Variants in PIGU observed in about 807,000 individuals in gnomAD.
The protein encoded by PIGU is phosphatidylinositol glycan anchor biosynthesis class U, also known as GPI-anchor transamidase component PIGU.
PIGU carries 24 observed loss-of-function variants against 49.9 expected under a neutral mutation model. The ratio of observed to expected loss-of-function variants is 0.48; its 90% CI spans 0.35 to 0.68. The LOEUF (loss-of-function observed/expected upper bound fraction) is 0.68, where lower values mean the gene tolerates loss of function less well. Among genes scored for constraint, PIGU ranks in the 30% least tolerant of loss-of-function variants. PIGU has a pLI of 0.01. For synonymous variants in PIGU, 220 were observed against 205.7 expected (o/e 1.07, Z -0.59); for missense variants, 490 against 532.6 (o/e 0.92, Z 0.79).
Position 34,617,613 on chromosome 20 carries a change from G to A in PIGU, c.530-1474C>T, listed in dbSNP as rs149034899. Among the ~76,000 whole-genome samples, 1,017 of 152,280 alleles carry A rather than the reference G, an allele frequency of 6.7e-3. 2 individuals are homozygous for A. Among genetic ancestry groups the A allele is most frequent in the Non-Finnish European group, 0.011 (729 of 68,012 alleles). ...CTTTTGATTTTACAGGCTCACAGGC[G>A]GAAGGCACTTGCCTTGTCTCAGATG... On this transcript the variant is annotated intron_variant, in intron 6 of 11. Coordinates refer to ENST00000217446, the MANE Select transcript of PIGU (RefSeq NM_080476.5).
At chr20:34,674,418 C>G (rs2146802754) in intron 1 of PIGU, among the ~76,000 whole-genome samples, 1 of 152,246 alleles carries the variant, frequency 6.6e-6, no homozygotes, top group East Asian at 1.9e-4. Context: ...CAAACCTTTT[C>G]TGAGATTCCA....
At chr20:34,610,274 T>C (rs150316257) in intron 7 of PIGU, among the ~76,000 whole-genome samples, 4 of 152,308 alleles carry the variant, frequency 2.6e-5, no homozygotes, top group East Asian at 3.9e-4. Context: ...TGTCTCTGTT[T>C]GCAGATGACA....
chr20:34,636,877 A>ATT (rs1985985797), intron 5 of PIGU, among the ~76,000 whole-genome samples: 2 of 152,180 alleles, frequency 1.3e-5, no homozygotes, highest in Non-Finnish European at 1.5e-5. Context: ...AATTACAGAC[A>ATT]GGCTTGTTAC....
At chr20:34,649,839 T>C (rs1600660157) in intron 2 of PIGU, among the ~76,000 whole-genome samples, 2 of 133,882 alleles carry the variant, frequency 1.5e-5, no homozygotes, top group East Asian at 4.6e-4. Flanking sequence ...CCGGTCCATC[T>C]ATTACATTCT....
At chr20:34,614,862 G>T (rs979821941) in intron 7 of PIGU, among the ~76,000 whole-genome samples, 1 of 152,106 alleles carries the variant, frequency 6.6e-6, no homozygotes, top group Non-Finnish European at 1.5e-5. Flanking sequence ...ATTAAGAAAG[G>T]CTCTGAAATC....
chr20:34,562,694 G>A (rs1982578709), intron 11 of PIGU: 2 of 673,198 alleles, frequency 3.0e-6, no homozygotes, highest in South Asian at 1.5e-5. Flanking sequence ...TGGTCTGCCT[G>A]GGGCCCAGAT....
At chr20:34,613,664 A>G (rs557878425) in intron 7 of PIGU, among the ~76,000 whole-genome samples, 1 of 152,358 alleles carries the variant, frequency 6.6e-6, no homozygotes, top group South Asian at 2.1e-4. Context: ...TAGACTTTCT[A>G]AAGAATAAGC....
chr20:34,638,546 G>A (rs1016746161), intron 4 of PIGU, among the ~76,000 whole-genome samples: 6 of 152,226 alleles, frequency 3.9e-5, no homozygotes, highest in African/African-American at 1.2e-4. Context: ...GCAAAGCAAA[G>A]TTCATAGCCA....
At chr20:34,602,213 C>G (rs1484706713) in intron 7 of PIGU, among the ~76,000 whole-genome samples, 1 of 150,414 alleles carries the variant, frequency 6.6e-6, no homozygotes, top group Non-Finnish European at 1.5e-5. Context: ...ACCCGGGAGG[C>G]AGAGGTTGCA....
At chr20:34,631,791 T>G (rs1985783687) in intron 6 of PIGU, among the ~76,000 whole-genome samples, 1 of 14,916 alleles carries the variant, frequency 6.7e-5, no homozygotes, top group African/African-American at 4.0e-4. Context: ...ATATATTTTT[T>G]TTTTTTTTTT....
chr20:34,618,353 GT>G (rs1311589358), intron 6 of PIGU, among the ~76,000 whole-genome samples: 2 of 152,192 alleles, frequency 1.3e-5, no homozygotes, highest in African/African-American at 4.8e-5. Flanking sequence ...TACAACAGGA[GT>G]TTCCAAGTGG....
chr20:34,564,998 C>T (rs562066070), intron 11 of PIGU, among the ~76,000 whole-genome samples: 15 of 152,356 alleles, frequency 9.8e-5, no homozygotes, highest in Admixed American at 2.0e-4. Flanking sequence ...ACAACCTCTT[C>T]TGACCTTGGG....
At chr20:34,625,708 G>GT (rs1224903945) in intron 6 of PIGU, among the ~76,000 whole-genome samples, 1 of 139,276 alleles carries the variant, frequency 7.2e-6, no homozygotes, top group Non-Finnish European at 1.5e-5. Context: ...ACAAGACTCT[G>GT]TCTCAAAAAA....
intron 2 of PIGU, among the ~76,000 whole-genome samples, chr20:34,650,960 A>G (rs931722665): frequency 6.6e-6 from 1 of 150,856 alleles, no homozygotes; most frequent in Non-Finnish European, 1.5e-5. Flanking sequence ...GTGATCCGCC[A>G]GCCTCGGCCT....
chr20:34,661,626 T>C (rs540000395), intron 1 of PIGU, among the ~76,000 whole-genome samples: 1 of 152,112 alleles, frequency 6.6e-6, no homozygotes, highest in Non-Finnish European at 1.5e-5. Flanking sequence ...CTGATGGGCA[T>C]TCAGGTTAAT....
chr20:34,672,164 C>T (rs1424106787), intron 1 of PIGU, among the ~76,000 whole-genome samples: 7 of 152,078 alleles, frequency 4.6e-5, no homozygotes, highest in African/African-American at 1.4e-4. Flanking sequence ...TGGTCTCAAA[C>T]TCCTGGGCTC....
At chr20:34,657,490 T>C (rs1010225597) in intron 1 of PIGU, among the ~76,000 whole-genome samples, 28 of 152,318 alleles carry the variant, frequency 1.8e-4, no homozygotes, top group Non-Finnish European at 2.5e-4. Context: ...TGCTTCCTTT[T>C]AGTTCCTTGT....
chr20:34,656,415 TG>T (rs1986701276), intron 2 of PIGU, among the ~76,000 whole-genome samples: 1 of 117,816 alleles, frequency 8.5e-6, no homozygotes, highest in Non-Finnish European at 1.8e-5. Context: ...CCCGAGTAGC[TG>T]GGACTACAGG....
intron 7 of PIGU, among the ~76,000 whole-genome samples, chr20:34,607,284 C>T (rs1349238686): frequency 6.6e-6 from 1 of 152,196 alleles, no homozygotes; most frequent in Non-Finnish European, 1.5e-5. Flanking sequence ...GAGAACTTCA[C>T]ATCCCTGTTG....
Sources: gnomAD v4.1 joint callset for allele counts (sites outside exome capture counted in the v4.1 genomes callset) on GRCh38, gnomAD v4.1.1 for gene constraint, MANE v1.5 for transcripts, NCBI Gene and HGNC (gene_info 2026-07-23, HGNC 2026-07-21) for gene names.